The following RGL1 variants were observed in gnomAD, a reference collection of about 807,000 sequenced individuals.
RGL1 encodes the protein ral guanine nucleotide dissociation stimulator-like 1.
RGL1 carries 24 observed loss-of-function variants against 95.2 expected under a neutral mutation model. The ratio of observed to expected loss-of-function variants is 0.25; its 90% CI spans 0.18 to 0.35. The LOEUF is 0.35. Ranked by LOEUF, RGL1 falls within the 10% of genes least tolerant of loss-of-function variation. The pLI, the probability that RGL1 is intolerant of heterozygous loss-of-function variation, is 1.00. For missense variants in RGL1, 715 were observed against 936.3 expected, an observed-to-expected ratio of 0.76 and a Z score of 3.08; for synonymous variants, 329 against 344.9, an observed-to-expected ratio of 0.95 and a Z score of 0.51.
chr1:183,823,080 C>CT (rs1553290053), intron 2 of RGL1, among the ~76,000 whole-genome samples: 69 of 152,072 alleles, frequency 4.5e-4, no homozygotes, highest in Non-Finnish European at 5.4e-4. Context: ...CTTTGTACTT[C>CT]TTTTTTTTAA....
intron 2 of RGL1, among the ~76,000 whole-genome samples, chr1:183,833,827 A>G (rs1268854942): frequency 6.6e-6 from 1 of 152,166 alleles, no homozygotes; most frequent in Non-Finnish European, 1.5e-5. Context: ...TGAGGACTCT[A>G]TTTTATATCG....
intron 2 of RGL1, among the ~76,000 whole-genome samples, chr1:183,828,042 G>C (rs1662994570): frequency 6.6e-6 from 1 of 152,138 alleles, no homozygotes; most frequent in Admixed American, 6.5e-5. Context: ...GTGATTATTA[G>C]CTTAGCTTTT....
intron 1 of RGL1, among the ~76,000 whole-genome samples, chr1:183,717,929 A>G (rs2102195049): frequency 6.6e-6 from 1 of 152,298 alleles, no homozygotes; most frequent in East Asian, 1.9e-4. Flanking sequence ...GTGGAAGGGA[A>G]GCAGAGCTTA....
chr1:183,910,401 G>C (rs1243369684), intron 14 of RGL1, among the ~76,000 whole-genome samples: 1 of 152,138 alleles, frequency 6.6e-6, no homozygotes, highest in Non-Finnish European at 1.5e-5. Flanking sequence ...CTGGCCCCCT[G>C]TTGATTTTAA....
At chr1:183,662,506 G>T (rs927894925) in intron 1 of RGL1, among the ~76,000 whole-genome samples, 22 of 152,100 alleles carry the variant, frequency 1.4e-4, no homozygotes, top group African/African-American at 5.3e-4. Context: ...ACTTACAAGG[G>T]ATGTGAAGGA....
chr1:183,712,359 G>T (rs940807544), intron 1 of RGL1, among the ~76,000 whole-genome samples: 3 of 152,220 alleles, frequency 2.0e-5, no homozygotes, highest in Non-Finnish European at 4.4e-5. Flanking sequence ...GGCTAGAAGG[G>T]CAGCCTCAGG....
At chr1:183,729,426 C>T (rs191399440) in intron 1 of RGL1, among the ~76,000 whole-genome samples, 4 of 152,132 alleles carry the variant, frequency 2.6e-5, no homozygotes, top group African/African-American at 4.8e-5. Flanking sequence ...ACTACACATC[C>T]GTTAGAACAT....
intron 2 of RGL1, among the ~76,000 whole-genome samples, chr1:183,752,820 T>C (rs544130258): frequency 3.3e-5 from 5 of 152,068 alleles, no homozygotes; most frequent in Non-Finnish European, 7.4e-5. Context: ...TTTTCCATTG[T>C]CCTCTGCCTT....
intron 2 of RGL1, among the ~76,000 whole-genome samples, chr1:183,807,995 C>T (rs373140940): frequency 6.6e-6 from 1 of 152,290 alleles, no homozygotes. Flanking sequence ...AACTTCTGAA[C>T]CAGTTGTCTT....
chr1:183,916,929 T>C (rs920242640), intron 16 of RGL1, among the ~76,000 whole-genome samples: 9 of 152,180 alleles, frequency 5.9e-5, no homozygotes, highest in African/African-American at 2.2e-4. Context: ...ACATGGTGTA[T>C]ATAGGATATA....
chr1:183,648,118 C>T (rs1558132095), intron 1 of RGL1: 1 of 1,614,216 alleles, frequency 6.2e-7, no homozygotes, highest in African/African-American at 1.3e-5. Flanking sequence ...TTGTGCCTGT[C>T]AGCCAGTGCT....
intron 2 of RGL1, among the ~76,000 whole-genome samples, chr1:183,763,601 A>C (rs1201330246): frequency 6.6e-6 from 1 of 152,178 alleles, no homozygotes; most frequent in Non-Finnish European, 1.5e-5. Flanking sequence ...TTAAATAGAG[A>C]AAATGTGTAG....
At chr1:183,759,757 C>T (rs994632397) in intron 2 of RGL1, among the ~76,000 whole-genome samples, 3 of 152,182 alleles carry the variant, frequency 2.0e-5, no homozygotes, top group African/African-American at 7.2e-5. Flanking sequence ...TTAAGACCAC[C>T]TGAATATGAC....
intron 2 of RGL1, among the ~76,000 whole-genome samples, chr1:183,790,411 G>T (rs1170719217): frequency 6.6e-6 from 1 of 152,194 alleles, no homozygotes; most frequent in Non-Finnish European, 1.5e-5. Context: ...GACCATGTAA[G>T]GCAGCTTGAG....
rs560010508 is a variant in RGL1, at chr1:183,641,053, A to T, written c.-33+4552A>T. On this transcript the variant is annotated intron_variant, in intron 1 of 18. Coordinates refer to the RGL1 transcript ENST00000304685. Reference sequence around the variant, plus strand: ...TGAAACATTCCCACATTTCTAGAATAAACTCTATTTGGTTGTGAAATATTA... The same window carrying T: ...TGAAACATTCCCACATTTCTAGAATTAACTCTATTTGGTTGTGAAATATTA... 3.9e-5 allele frequency among the ~76,000 whole-genome samples: 6 copies of T among 152,366 alleles called. No individual in the cohort carries two copies. The East Asian group carries it at 5.8e-4, about 15-fold the overall frequency.
chr1:183,667,445 C>T (rs1652120036), intron 1 of RGL1, among the ~76,000 whole-genome samples: 1 of 152,122 alleles, frequency 6.6e-6, no homozygotes, highest in Non-Finnish European at 1.5e-5. Context: ...TAGCCTCAGC[C>T]TCCTGAGTAG....
intron 1 of RGL1, among the ~76,000 whole-genome samples, chr1:183,677,261 A>T (rs551057572): frequency 4.6e-5 from 7 of 150,946 alleles, no homozygotes; most frequent in Middle Eastern, 3.4e-3. Context: ...CTCTCACTAA[A>T]TATTTAATCA....
chr1:183,739,667 T>C (rs770002414), intron 1 of RGL1, among the ~76,000 whole-genome samples: 23 of 152,200 alleles, frequency 1.5e-4, no homozygotes, highest in Non-Finnish European at 3.2e-4. Context: ...TCAGATAGGG[T>C]GGAGGATCTC....
rs568678200 is a variant in RGL1, at chr1:183,660,566, G to T, written c.-33+24065G>T. ...CACCCAGATTCATAAAGCAAGTCCTGAGAGACCTACAAAGAGACTTAGACT... is the reference window on the plus strand; with the variant it reads ...CACCCAGATTCATAAAGCAAGTCCTTAGAGACCTACAAAGAGACTTAGACT... On this transcript the variant is annotated intron_variant, in intron 1 of 18. Transcript: ENST00000304685. 5.6e-3 allele frequency among the ~76,000 whole-genome samples: 845 copies of T among 151,264 alleles called. 5 individuals are homozygous for T. Among genetic ancestry groups the T allele is most frequent in the South Asian group, 0.019 (90 of 4,758 alleles).
Sources: allele counts gnomAD v4.1 joint callset (sites outside exome capture counted in the v4.1 genomes callset), GRCh38; gene constraint gnomAD v4.1.1; transcripts MANE v1.5; gene names NCBI Gene and HGNC (gene_info 2026-07-23, HGNC 2026-07-21).